Variants in EFR3B observed in about 807,000 individuals in gnomAD.
EFR3B encodes protein EFR3 homolog B.
A neutral mutation model predicts 104.7 loss-of-function variants in EFR3B; 64 were observed. That is an observed-to-expected ratio of 0.61 (90% CI 0.50 to 0.75). EFR3B has a LOEUF of 0.75. Among genes scored for constraint, EFR3B ranks in the 30% least tolerant of loss-of-function variants. The probability of loss-of-function intolerance (pLI) is 0.00; values close to 1 mark genes in which losing one functional copy is unlikely to be tolerated. For synonymous variants in EFR3B, 385 were observed against 417.9 expected (o/e 0.92, Z 0.96); for missense variants, 750 against 1,078.5 (o/e 0.70, Z 4.27).
At chr2:25,139,275 G>C in intron 16 of EFR3B, 85 bp downstream of exon 16, 1 of 1,434,372 alleles carries the variant, frequency 7.0e-7, no homozygotes, top group Non-Finnish European at 9.3e-7. Context: ...CATTAGTCCT[G>C]TACCTACACT....
chr2:25,110,090 C>G (rs192411386), intron 4 of EFR3B, among the ~76,000 whole-genome samples: 2 of 152,182 alleles, frequency 1.3e-5, no homozygotes, highest in East Asian at 1.9e-4. Context: ...CCTGTTCCCC[C>G]CCATCTTGCT....
chr2:25,144,860 G>A (rs2149211842), intron 18 of EFR3B, 100 bp from the exon 19 acceptor site: 2 of 1,009,158 alleles, frequency 2.0e-6, no homozygotes, highest in Non-Finnish European at 1.5e-6. Context: ...AGAGGACTGT[G>A]GACCAAGCAA....
chr2:25,139,335 A>C, intron 16 of EFR3B, 145 bp downstream of exon 16: 2 of 1,078,772 alleles, frequency 1.9e-6, no homozygotes, highest in South Asian at 1.8e-5. Flanking sequence ...GTGAGAAGTT[A>C]CTCGTGGCAT....
At chr2:25,101,623 A>G (rs1465898620) in intron 3 of EFR3B, among the ~76,000 whole-genome samples, 2 of 152,180 alleles carry the variant, frequency 1.3e-5, no homozygotes, top group Non-Finnish European at 2.9e-5. Context: ...TTGGGATTCC[A>G]GGTGTGAGCC....
chr2:25,149,487 T>G (rs1441222893), intron 19 of EFR3B, among the ~76,000 whole-genome samples: 1 of 152,194 alleles, frequency 6.6e-6, no homozygotes, highest in African/African-American at 2.4e-5. Context: ...TGATGAGGAA[T>G]GAGCTTCCCC....
At chr2:25,092,977 T>G in intron 2 of EFR3B, 26 bp from the exon 3 acceptor site, 1 of 1,540,408 alleles carries the variant, frequency 6.5e-7, no homozygotes, top group Non-Finnish European at 8.7e-7. Context: ...GTGGCCATAG[T>G]GAGCACAAGC....
intron 4 of EFR3B, among the ~76,000 whole-genome samples, chr2:25,118,726 CAAAAAAA>C (rs869026900): frequency 8.9e-5 from 3 of 33,538 alleles, no homozygotes; most frequent in African/African-American, 2.6e-4. Context: ...CCTGTCTCTA[CAAAAAAA>C]AAAAAAAAAA....
In EFR3B at chr2:25,100,077, G is replaced by A. The variant is rs577082109; in HGVS notation, c.213-3560G>A. Among the ~76,000 whole-genome samples the A allele has an allele frequency of 9.2e-5, 14 of 152,080 alleles. No individual in the cohort carries two copies. In the South Asian group the frequency reaches 1.7e-3, roughly 18 times the overall value. On this transcript the variant is annotated intron_variant, in intron 3 of 22. Transcript: ENST00000403714. ...AAATTAGCCAGGCATGGTGGTGGGC[G>A]CCTGTAATCCCAGCTACCTAGGAGG...
In EFR3B at chr2:25,154,412, A is replaced by T; in HGVS notation, c.*72A>T. On this transcript the variant is annotated 3_prime_UTR_variant, in exon 23 of 23. Coordinates refer to ENST00000403714, the MANE Select transcript of EFR3B (RefSeq NM_014971.2). The surrounding 1 kb of genome is among the most constrained non-coding windows in gnomAD (Gnocchi z 4.1). The stretch of plus-strand genomic sequence containing the variant: ...CTCACCTCACGCCCACCCCGACCAC[A>T]TGGAGATCTGGCTGTGATCTCTGAG... 2 of 1,333,030 alleles carry T rather than the reference A, an allele frequency of 1.5e-6. No homozygotes were observed. Among genetic ancestry groups the T allele is most frequent in the Non-Finnish European group, 2.1e-6 (2 of 956,212 alleles). 82.6% of individuals were successfully genotyped at this position (1,333,030 alleles called of 1,614,324 possible).
intron 4 of EFR3B, among the ~76,000 whole-genome samples, chr2:25,106,951 A>C (rs1160253427): frequency 1.3e-5 from 2 of 152,220 alleles, no homozygotes; most frequent in Non-Finnish European, 2.9e-5. Context: ...CCAGGAAATC[A>C]AAAGAAAGGG....
In EFR3B at chr2:25,114,002, G is replaced by A. The variant is rs970467071; in HGVS notation, c.364-7671G>A. Among the ~76,000 whole-genome samples, 5 of 152,182 alleles carry A rather than the reference G, an allele frequency of 3.3e-5. No homozygotes were observed. Among genetic ancestry groups the A allele is most frequent in the African/African-American group, 9.7e-5 (4 of 41,450 alleles). On this transcript the variant is annotated intron_variant, in intron 4 of 22. Transcript: ENST00000403714. This position sits in a 1 kb window ranked among gnomAD's most constrained non-coding sequence, Gnocchi z 4.0. ...GTGGTCTGGCTCCAAACCCCTTCTTGTAATCATAGCACTACACTGCCTCTT... is the reference window on the plus strand; with the variant it reads ...GTGGTCTGGCTCCAAACCCCTTCTTATAATCATAGCACTACACTGCCTCTT...
chr2:25,132,988 C>T lies in EFR3B; in HGVS notation c.1233C>T (p.His411=). 1 of 1,551,650 alleles carries T rather than the reference C, an allele frequency of 6.4e-7. No homozygotes were observed. Residue 411 remains histidine (H), a synonymous_variant, in exon 11 of 23, where the codon CAC becomes CAT. Transcript: ENST00000403714. ...GCAAGGTCCCGCGGCCATCCCTGCACCAGGCGGTGGACACAGGCAGGACGG... is the reference window on the plus strand; with the variant it reads ...GCAAGGTCCCGCGGCCATCCCTGCATCAGGCGGTGGACACAGGCAGGACGG... ...IMSKVPRPSL[H]QAVDTGRTGE...
At chr2:25,072,350 G>A (rs1451796125) in intron 1 of EFR3B, among the ~76,000 whole-genome samples, 1 of 151,504 alleles carries the variant, frequency 6.6e-6, no homozygotes, top group Non-Finnish European at 1.5e-5. Flanking sequence ...GTGTGATCTC[G>A]GCTCACTGCA....
rs1000636311 is a variant in EFR3B, at chr2:25,080,721, T to C, written c.8-10604T>C. 6.2e-5 allele frequency: 65 copies of C among 1,053,264 alleles called. 2 individuals carry two copies. The South Asian group carries it at 9.5e-4, about 15-fold the overall frequency. The allele number at this position is 1,053,264 out of a possible 1,614,324, so 65.2% of individuals were successfully genotyped here. ...CAGCGTCTTTGTCATTTTCATCTTC[T>C]TGGGTTCAGTCCTGTAGATCAAAGA... is the stretch of plus-strand genomic sequence containing the variant. On this transcript the variant is annotated intron_variant, in intron 1 of 22. Transcript: ENST00000403714.
intron 1 of EFR3B, chr2:25,081,786 G>A (rs1328774960): frequency 2.6e-6 from 1 of 377,642 alleles, no homozygotes; most frequent in African/African-American, 2.1e-5. Context: ...GACTGGAGTG[G>A]CAATGAAGGA....
chr2:25,143,737 T>C lies in EFR3B; in HGVS notation c.1925T>C (p.Leu642Pro). 6.4e-7 allele frequency: 1 copy of C among 1,551,492 alleles called. No homozygotes were observed. Among genetic ancestry groups the C allele is most frequent in the South Asian group, 1.2e-5 (1 of 84,042 alleles). The change falls in exon 18 of 23, where the codon CTG becomes CCG. Residue 642 changes from leucine to proline, a missense_variant and splice_region_variant. By Grantham distance (98) the Leu-to-Pro change is moderately conservative. Coordinates refer to ENST00000403714, the MANE Select transcript of EFR3B (RefSeq NM_014971.2). The stretch of plus-strand genomic sequence containing the variant: ...TTTCTCCCTCCTTCATCTTCCAGGC[T>C]GTCTCAGAATCTTGATGGGGTGGTC... ...PEDVFVERPRLSQNLDGVVIE... is the reference protein window; with the variant it reads ...PEDVFVERPRPSQNLDGVVIE...
At chr2:25,106,633 G>A (rs1230754394) in intron 4 of EFR3B, among the ~76,000 whole-genome samples, 1 of 152,140 alleles carries the variant, frequency 6.6e-6, no homozygotes, top group Non-Finnish European at 1.5e-5. Flanking sequence ...AAGGGAGACA[G>A]GGTTTCACCA....
At position 25,130,109 on chromosome 2, in the gene EFR3B, T is replaced by G; in HGVS notation, c.770T>G (p.Ile257Ser). 1.3e-6 allele frequency: 2 copies of G among 1,551,878 alleles called. No homozygotes were observed. Among genetic ancestry groups the G allele is most frequent in the Non-Finnish European group, 1.7e-6 (2 of 1,147,034 alleles). Residue 257 changes from isoleucine (I) to serine (S), a missense_variant and splice_region_variant, in exon 7 of 23, where the codon ATC becomes AGC. Physicochemically the swap from Ile to Ser is moderately radical, Grantham distance 142. Coordinates refer to ENST00000403714, the MANE Select transcript of EFR3B (RefSeq NM_014971.2). The surrounding 1 kb of genome is among the most constrained non-coding windows in gnomAD (Gnocchi z 4.6). ...AAAAACGCCATCAAGCCTGTTCTCA[T>G]GTGAGTGCCCCCACCCACTGCCTTG... is the stretch of plus-strand genomic sequence containing the variant. ...NIKNAIKPVL[I>S]HLDNHSLWEP...
intron 1 of EFR3B, among the ~76,000 whole-genome samples, chr2:25,062,059 C>T (rs961385873): frequency 6.6e-6 from 1 of 152,146 alleles, no homozygotes; most frequent in Non-Finnish European, 1.5e-5. Context: ...GTATTTTCTA[C>T]ACTTCGTGTA....
Sources: gnomAD v4.1 joint callset for allele counts (sites outside exome capture counted in the v4.1 genomes callset) on GRCh38, gnomAD v4.1.1 for gene constraint, Gnocchi (gnomAD v3.1) non-coding constraint, MANE v1.5 for transcripts, NCBI Gene and HGNC (gene_info 2026-07-23, HGNC 2026-07-21) for gene names.